The following SP1 variants were observed in gnomAD, a reference collection of about 807,000 sequenced individuals.
The protein encoded by SP1 is transcription factor Sp1.
Under a neutral mutation model 66.3 loss-of-function variants are expected in SP1, and 6 were observed. The ratio of observed to expected loss-of-function variants is 0.09; its 90% CI spans 0.05 to 0.18. The LOEUF is 0.18. Among genes scored for constraint, SP1 ranks in the 10% least tolerant of loss-of-function variants. SP1 has a pLI of 1.00. For synonymous variants in SP1, 417 were observed against 360.8 expected (o/e 1.16, Z -1.77); for missense variants, 848 against 964.5 (o/e 0.88, Z 1.60).
At chr12:53,388,718 G>T (rs940411273) in intron 3 of SP1, among the ~76,000 whole-genome samples, 1 of 152,080 alleles carries the variant, frequency 6.6e-6, no homozygotes, top group Non-Finnish European at 1.5e-5. Flanking sequence ...AGTGGCTCAT[G>T]CCTGTAATCC....
chr12:53,381,813 G>A lies in SP1; in HGVS notation c.162G>A (p.Gln54=). The change falls in exon 2 of 6, where the codon CAG becomes CAA. Residue 54 remains glutamine (Q), a splice_region_variant and synonymous_variant. Coordinates refer to ENST00000327443, the MANE Select transcript of SP1 (RefSeq NM_138473.3). ...GCAGCAGCACTGGAGGAGGAGGGCAGGTAAGTGATAATCATAGAGTGGGGA... is the reference window on the plus strand; with the variant it reads ...GCAGCAGCACTGGAGGAGGAGGGCAAGTAAGTGATAATCATAGAGTGGGGA... The part of the protein sequence containing the change: ...GSSSSTGGGG[Q]ESQPSPLALL... The A allele has an allele frequency of 1.2e-6, 2 of 1,611,134 alleles. No homozygotes were observed. The highest frequency in any genetic ancestry group is 1.7e-6 in the Non-Finnish European group (2 of 1,179,152).
chr12:53,381,459 G>T, intron 1 of SP1, 200 bp from the exon 2 acceptor site: 1 of 443,484 alleles, frequency 2.3e-6, no homozygotes, highest in Non-Finnish European at 4.0e-6. Flanking sequence ...GAGAATTAAG[G>T]CCCACTTTTG....
intron 3 of SP1, among the ~76,000 whole-genome samples, chr12:53,403,947 G>A (rs1360716003): frequency 6.6e-6 from 1 of 151,466 alleles, no homozygotes; most frequent in African/African-American, 2.4e-5. Context: ...CGAGGCGGGC[G>A]GATCATGAGG....
intron 4 of SP1, among the ~76,000 whole-genome samples, chr12:53,407,621 G>A (rs1400158229): frequency 6.9e-6 from 1 of 145,392 alleles, no homozygotes; most frequent in Non-Finnish European, 1.5e-5. Context: ...ACTGCACCTG[G>A]CCAAAAAAAT....
intron 1 of SP1, among the ~76,000 whole-genome samples, chr12:53,380,985 C>T (rs784880): frequency 5.4e-4 from 54 of 100,886 alleles, no homozygotes; most frequent in African/African-American, 1.9e-3. Context: ...AGTTTTCGCT[C>T]TTGTTACCCA....
In SP1 at chr12:53,414,500, G is replaced by A. The variant is rs994982154; in HGVS notation, c.*3260G>A. 6.6e-6 allele frequency: 1 copy of A among 152,436 alleles called. No homozygotes were observed. Among genetic ancestry groups the A allele is most frequent in the Non-Finnish European group, 1.5e-5 (1 of 68,010 alleles). 9.4% of individuals were successfully genotyped at this position (152,436 alleles called of 1,614,324 possible). ...CCCAGAAAGTATATACTGAAGTGTG[G>A]GATAAAGATTATGATTAGGGGAGGG... On this transcript the variant is annotated 3_prime_UTR_variant, in exon 6 of 6. Transcript: ENST00000327443.
At chr12:53,401,834 A>G (rs1399920550) in intron 3 of SP1, among the ~76,000 whole-genome samples, 8 of 151,902 alleles carry the variant, frequency 5.3e-5, no homozygotes, top group Non-Finnish European at 1.0e-4. Flanking sequence ...ACACCCAGCT[A>G]ATATTTGTAT....
chr12:53,383,992 CAG>C (rs1342736336), intron 3 of SP1, among the ~76,000 whole-genome samples: 4 of 146,452 alleles, frequency 2.7e-5, no homozygotes, highest in Admixed American at 6.9e-5. Flanking sequence ...TTTTTTGAGA[CAG>C]AGTCTTGCTC....
At chr12:53,398,691 A>G (rs971004081) in intron 3 of SP1, among the ~76,000 whole-genome samples, 5 of 152,226 alleles carry the variant, frequency 3.3e-5, no homozygotes, top group East Asian at 1.9e-4. Flanking sequence ...AGGACTGCTG[A>G]TGCAAATTAC....
intron 3 of SP1, 58 bp from the exon 4 acceptor site, chr12:53,406,527 A>C: frequency 2.2e-6 from 3 of 1,392,708 alleles, no homozygotes; most frequent in Non-Finnish European, 3.0e-6. Flanking sequence ...GGTATCACTG[A>C]GATGCCAGTG....
intron 3 of SP1, among the ~76,000 whole-genome samples, chr12:53,406,090 G>A (rs1475057480): frequency 1.5e-4 from 2 of 13,760 alleles, no homozygotes; most frequent in Non-Finnish European, 5.0e-4. Context: ...TTTTTTTTTT[G>A]AGACAGAGTC....
chr12:53,382,615 A>G lies in SP1; in HGVS notation c.668A>G (p.Asn223Ser), dbSNP rs374181936. Residue 223 changes from asparagine to serine, a missense_variant, in exon 3 of 6, where the codon AAC becomes AGC. Asn to Ser is a conservative substitution (Grantham distance 46). Transcript: ENST00000327443. ...ATCACAAATCGAGGAAGTGGAGGCA[A>G]CATCATTGCTGCTATGCCAAACCTA... ...QIITNRGSGG[N>S]IIAAMPNLLQ... 1.1e-5 allele frequency: 18 copies of G among 1,614,046 alleles called. No homozygotes were observed. The Admixed American group carries it at 1.2e-4, about 10-fold the overall frequency.
intron 3 of SP1, among the ~76,000 whole-genome samples, chr12:53,402,960 T>C (rs11170538): frequency 0.58 from 85,957 of 148,416 alleles, 26,294 homozygotes; most frequent in East Asian, 0.9. Flanking sequence ...GCGACAGAGA[T>C]TCCATCTCAG....
intron 3 of SP1, among the ~76,000 whole-genome samples, chr12:53,403,465 G>C (rs1592568999): frequency 6.6e-6 from 1 of 151,650 alleles, no homozygotes; most frequent in South Asian, 2.1e-4. Context: ...TGATTACCCT[G>C]CTTCATCCTC....
intron 3 of SP1, among the ~76,000 whole-genome samples, chr12:53,402,309 C>T (rs891694411): frequency 2.0e-5 from 3 of 151,490 alleles, no homozygotes; most frequent in Non-Finnish European, 2.9e-5. Context: ...CTGCAACCTC[C>T]GCCTCCCAAG....
rs772322609 is a variant in SP1, at chr12:53,383,271, G to A, written c.1324G>A (p.Ala442Thr). 12 of 1,614,160 alleles carry A rather than the reference G, an allele frequency of 7.4e-6. No homozygotes were observed. The Admixed American group carries it at 2.0e-4, about 27-fold the overall frequency. The change falls in exon 3 of 6, where the codon GCT becomes ACT. Residue 442 changes from alanine (A) to threonine (T), a missense_variant. Transcript: ENST00000327443. ...AACCCTCCAGAACCTCCAGCTTCAGGCTGTTCCAAACTCTGGTCCCATCAT... is the reference window on the plus strand; with the variant it reads ...AACCCTCCAGAACCTCCAGCTTCAGACTGTTCCAAACTCTGGTCCCATCAT... ...QETLQNLQLQAVPNSGPIIIR... is the reference protein window; with the variant it reads ...QETLQNLQLQTVPNSGPIIIR...
rs1028976211 is a variant in SP1 at position 53,411,413 on chromosome 12, G to A, written c.*173G>A. The A allele has an allele frequency of 2.0e-5, 11 of 555,944 alleles. No homozygotes were observed. Among genetic ancestry groups the A allele is most frequent in the African/African-American group, 3.8e-5 (2 of 52,986 alleles). 34.4% of individuals were successfully genotyped at this position (555,944 alleles called of 1,614,324 possible). A position where few individuals can be genotyped will look rare whatever the true frequency, so the allele number is the denominator to read the frequency against. On this transcript the variant is annotated 3_prime_UTR_variant, in exon 6 of 6. Transcript: ENST00000327443. ...GGAGATGGGGTCCCGGCACCCATCT[G>A]TATCATCAGTGCCTCTTTGAAGGTG...
chr12:53,383,788 A>C (rs542238901), intron 3 of SP1, among the ~76,000 whole-genome samples, 166 bp downstream of exon 3: 4 of 152,308 alleles, frequency 2.6e-5, no homozygotes, highest in African/African-American at 4.8e-5. Context: ...GTAATTTGGA[A>C]CTGAAGTAAA....
At chr12:53,381,618 C>T (rs374451258) in intron 1 of SP1, 41 bp from the exon 2 acceptor site, 5 of 1,530,068 alleles carry the variant, frequency 3.3e-6, no homozygotes, top group African/African-American at 1.4e-5. Context: ...CATTTCTTTT[C>T]TTCCCTCAAG....
Sources: allele counts gnomAD v4.1 joint callset (sites outside exome capture counted in the v4.1 genomes callset), GRCh38; gene constraint gnomAD v4.1.1; transcripts MANE v1.5; gene names NCBI Gene and HGNC (gene_info 2026-07-23, HGNC 2026-07-21).